The following CSNK2A1 variants were observed in gnomAD, a reference collection of about 807,000 sequenced individuals.
CSNK2A1 encodes the protein casein kinase II subunit alpha.
Under a neutral mutation model 62.9 loss-of-function variants are expected in CSNK2A1, and 10 were observed. The ratio of observed to expected loss-of-function variants is 0.16; its 90% CI spans 0.10 to 0.27. CSNK2A1 has a LOEUF of 0.27. CSNK2A1 is among the 10% of genes least tolerant of loss of function. The probability of loss-of-function intolerance (pLI) is 1.00; values close to 1 mark genes in which losing one functional copy is unlikely to be tolerated. For missense variants in CSNK2A1, 160 were observed against 492.0 expected (o/e 0.33, Z 6.38); for synonymous variants, 124 against 167.8 (o/e 0.74, Z 2.02).
At chr20:518,933 CTTTTT>C (rs796982756) in intron 2 of CSNK2A1, among the ~76,000 whole-genome samples, 23 of 123,698 alleles carry the variant, frequency 1.9e-4, no homozygotes, top group African/African-American at 3.9e-4. Flanking sequence ...GTTGGATATA[CTTTTT>C]TTTTTTTTTT....
chr20:518,905 G>A (rs1480982067), intron 2 of CSNK2A1, among the ~76,000 whole-genome samples: 2 of 148,412 alleles, frequency 1.3e-5, no homozygotes, highest in African/African-American at 2.5e-5. Context: ...AAAACAAGAG[G>A]AAAAATATAG....
intron 9 of CSNK2A1, among the ~76,000 whole-genome samples, chr20:490,548 C>T (rs2018205957): frequency 4.7e-5 from 7 of 150,082 alleles, no homozygotes; most frequent in Admixed American, 2.7e-4. Context: ...GGATTACAAG[C>T]GCCCACCACC....
At chr20:537,681 T>G (rs1299326752) in intron 1 of CSNK2A1, among the ~76,000 whole-genome samples, 1 of 152,218 alleles carries the variant, frequency 6.6e-6, no homozygotes, top group African/African-American at 2.4e-5. Flanking sequence ...CATGCTACTT[T>G]CGAAATTATC....
intron 9 of CSNK2A1, among the ~76,000 whole-genome samples, chr20:490,378 T>C (rs1363871572): frequency 6.9e-6 from 1 of 144,892 alleles, no homozygotes; most frequent in African/African-American, 2.6e-5. Context: ...TTTTCTTTTA[T>C]GCATCTTTCA....
chr20:522,223 T>C (rs912856317), intron 2 of CSNK2A1, among the ~76,000 whole-genome samples: 2 of 152,210 alleles, frequency 1.3e-5, no homozygotes, highest in Non-Finnish European at 2.9e-5. Context: ...ATTTCTCCCT[T>C]TCCATGCTTA....
intron 10 of CSNK2A1, 121 bp from the exon 11 acceptor site, chr20:488,899 C>G: frequency 3.5e-6 from 3 of 862,052 alleles, no homozygotes; most frequent in Middle Eastern, 2.3e-4. Flanking sequence ...ATGCTACCTC[C>G]TAACAGTTTA....
At position 535,313 on chromosome 20, in the gene CSNK2A1, A is replaced by C. The variant is rs567325173; in HGVS notation, c.-226-7264T>G. 1.8e-3 allele frequency among the ~76,000 whole-genome samples: 277 copies of C among 152,358 alleles called. 1 individual carries two copies. Among genetic ancestry groups the C allele is most frequent in the African/African-American group, 6.2e-3 (258 of 41,584 alleles). On this transcript the variant is annotated intron_variant, in intron 1 of 13. Coordinates refer to ENST00000217244, the MANE Select transcript of CSNK2A1 (RefSeq NM_177559.3). ...GCAAATAATGAAAGCATTTTATTTG[A>C]CATTGATAACCTTCTCACAATAAAT...
intron 8 of CSNK2A1, chr20:495,394 A>C (rs2080042279): frequency 3.2e-6 from 1 of 308,566 alleles, no homozygotes; most frequent in African/African-American, 2.2e-5. Context: ...CCCACACTGT[A>C]CACGTAAGAA....
chr20:496,016 C>T (rs2018340272), intron 7 of CSNK2A1: 4 of 503,540 alleles, frequency 7.9e-6, no homozygotes, highest in Non-Finnish European at 1.4e-5. Context: ...TTTTCTGACA[C>T]AGTTGTTTCA....
intron 1 of CSNK2A1, among the ~76,000 whole-genome samples, chr20:541,950 C>G (rs924052674): frequency 6.6e-6 from 1 of 152,088 alleles, no homozygotes; most frequent in African/African-American, 2.4e-5. Context: ...TTGAGAATAC[C>G]ACGGAGGAGA....
chr20:505,902 T>G (rs1325246356), intron 3 of CSNK2A1: 29 of 118,842 alleles, frequency 2.4e-4, no homozygotes, highest in Non-Finnish European at 2.5e-4. Flanking sequence ...TGAGACGGAG[T>G]CTTGCTCTGT....
chr20:486,570 T>C (rs997791588), intron 12 of CSNK2A1, 108 bp from the exon 13 acceptor site: 2 of 1,130,194 alleles, frequency 1.8e-6, no homozygotes. Flanking sequence ...ATATATACTC[T>C]ACATTATTCC....
intron 2 of CSNK2A1, among the ~76,000 whole-genome samples, chr20:513,893 G>A (rs2018775116): frequency 6.6e-6 from 1 of 152,158 alleles, no homozygotes; most frequent in Admixed American, 6.5e-5. Context: ...TTACTGTCAC[G>A]CATACCAAAT....
At chr20:508,357 C>A in intron 3 of CSNK2A1, 94 bp downstream of exon 3, 1 of 1,390,176 alleles carries the variant, frequency 7.2e-7, no homozygotes, top group Non-Finnish European at 9.9e-7. Context: ...TATACACATA[C>A]AGAGTCACGG....
intron 9 of CSNK2A1, among the ~76,000 whole-genome samples, chr20:491,036 T>C (rs2018223718): frequency 6.6e-6 from 1 of 152,178 alleles, no homozygotes; most frequent in African/African-American, 2.4e-5. Flanking sequence ...TCACAATTAT[T>C]AGTAATACTG....
intron 2 of CSNK2A1, among the ~76,000 whole-genome samples, chr20:517,342 T>A (rs1285534757): frequency 6.6e-6 from 1 of 152,266 alleles, no homozygotes; most frequent in African/African-American, 2.4e-5. Flanking sequence ...AGAATGCTCA[T>A]ACATCAAGCA....
At chr20:513,358 T>TG (rs1266863763) in intron 2 of CSNK2A1, among the ~76,000 whole-genome samples, 1 of 152,176 alleles carries the variant, frequency 6.6e-6, no homozygotes, top group Non-Finnish European at 1.5e-5. Flanking sequence ...GAAGGGAAGA[T>TG]GAAGTGAGAT....
chr20:526,904 G>A (rs1425474720), intron 2 of CSNK2A1: 1 of 152,006 alleles, frequency 6.6e-6, no homozygotes, highest in Non-Finnish European at 1.5e-5. Flanking sequence ...AGTGAGCTGA[G>A]ATCATGCCAC....
At chr20:485,449 C>T (rs2018078036) in intron 13 of CSNK2A1, among the ~76,000 whole-genome samples, 2 of 152,104 alleles carry the variant, frequency 1.3e-5, no homozygotes, top group South Asian at 2.1e-4. Flanking sequence ...TCCCAAAGTG[C>T]TGGGATTACA....
Sources: allele counts gnomAD v4.1 joint callset (sites outside exome capture counted in the v4.1 genomes callset), GRCh38; gene constraint gnomAD v4.1.1; transcripts MANE v1.5; gene names NCBI Gene and HGNC (gene_info 2026-07-23, HGNC 2026-07-21).